SEMA4D: variants seen among roughly 807,000 people sequenced by gnomAD.
SEMA4D encodes semaphorin-4D.
A neutral mutation model predicts 74.8 loss-of-function variants in SEMA4D; 22 were observed. That is an observed-to-expected ratio of 0.29 (90% confidence interval 0.21 to 0.42). The LOEUF is 0.42. Among genes scored for constraint, SEMA4D ranks in the 10% least tolerant of loss-of-function variants. The probability of loss-of-function intolerance (pLI) is 1.00; values close to 1 mark genes in which losing one functional copy is unlikely to be tolerated. For synonymous variants in SEMA4D, 445 were observed against 463.7 expected (o/e 0.96, Z 0.52); for missense variants, 937 against 1,118.4 (o/e 0.84, Z 2.31).
chr9:89,361,714 C>G (rs1409422932), exon 19 of SEMA4D: 1 of 152,314 alleles, frequency 6.6e-6, no homozygotes, highest in Admixed American at 6.5e-5. Flanking sequence ...GGGACAGAGG[C>G]ATAAACTGCA....
chr9:89,381,077 G>T lies in SEMA4D; in HGVS notation c.1641C>A (p.Ser547Arg). The T allele has an allele frequency of 6.2e-7, 1 of 1,614,072 alleles. No individual in the cohort carries two copies. Among genetic ancestry groups the T allele is most frequent in the Non-Finnish European group, 8.5e-7 (1 of 1,180,024 alleles). ...CACCCGGGCACACAGAAGCATCGCCGCTCATCTCCTGAATCAAACCCCTGC... is the reference window on the plus strand; with the variant it reads ...CACCCGGGCACACAGAAGCATCGCCTCTCATCTCCTGAATCAAACCCCTGC... ...SPSRGLIQEM[S>R]GDASVCPDKS... is the part of the protein sequence containing the mutation. Residue 547 changes from serine to arginine, a missense_variant, in exon 15 of 16, where the codon AGC (serine) becomes AGA (arginine). Coordinates refer to ENST00000422704, the MANE Select transcript of SEMA4D (RefSeq NM_001371194.2). The surrounding 1 kb of genome is among the most constrained non-coding windows in gnomAD (Gnocchi z 4.6).
Position 89,405,582 on chromosome 9 carries a change from G to T in SEMA4D, c.-126C>A, listed in dbSNP as rs529610281. 1.5e-4 allele frequency: 221 copies of T among 1,489,864 alleles called. 1 individual carries two copies. Among genetic ancestry groups the T allele is most frequent in the South Asian group, 6.5e-4 (50 of 76,554 alleles). The allele number at this position is 1,489,864 out of a possible 1,614,324, so 92.3% of individuals were successfully genotyped here. On this transcript the variant is annotated 5_prime_UTR_variant, in exon 3 of 16. Transcript: ENST00000422704. ...GGGCCAGCAGCACAGCCTGGAGCTCGTGAACAGCGCGGTCCCTGAGAATCC... is the reference window on the plus strand; with the variant it reads ...GGGCCAGCAGCACAGCCTGGAGCTCTTGAACAGCGCGGTCCCTGAGAATCC...
chr9:89,384,383 T>G (rs763201321), intron 13 of SEMA4D, among the ~76,000 whole-genome samples: 3 of 152,166 alleles, frequency 2.0e-5, no homozygotes, highest in Non-Finnish European at 4.4e-5. Context: ...TTAAGTGAAA[T>G]AAGCCAGTTA....
At chr9:89,440,379 C>CCT (rs1317584904) in intron 2 of SEMA4D, among the ~76,000 whole-genome samples, 4 of 152,194 alleles carry the variant, frequency 2.6e-5, no homozygotes, top group African/African-American at 9.7e-5. Context: ...TCTTGACATG[C>CCT]CTCTGCCAAA....
At chr9:89,414,620 C>T (rs1011692274) in intron 2 of SEMA4D, among the ~76,000 whole-genome samples, 1 of 152,214 alleles carries the variant, frequency 6.6e-6, no homozygotes, top group Non-Finnish European at 1.5e-5. Context: ...ATAAAATGGC[C>T]TTATCCCATC....
At chr9:89,422,402 T>TG (rs1230271972) in intron 2 of SEMA4D, among the ~76,000 whole-genome samples, 1 of 152,114 alleles carries the variant, frequency 6.6e-6, no homozygotes, top group African/African-American at 2.4e-5. Flanking sequence ...ACAGGACGGT[T>TG]GGGGGGCCCT....
intron 2 of SEMA4D, among the ~76,000 whole-genome samples, chr9:89,453,629 C>G (rs1588011831): frequency 6.6e-6 from 1 of 152,210 alleles, no homozygotes; most frequent in African/African-American, 2.4e-5. Context: ...GGTCGCGGCC[C>G]TCGCTGGGTG....
chr9:89,460,287 A>AC (rs1228861085), intron 1 of SEMA4D, among the ~76,000 whole-genome samples: 1 of 143,394 alleles, frequency 7.0e-6, no homozygotes, highest in East Asian at 2.1e-4. Context: ...CCCATATCCC[A>AC]CCTCTGGTTC....
At chr9:89,370,659 C>T (rs111066135) in intron 16 of SEMA4D, among the ~76,000 whole-genome samples, 41,963 of 138,734 alleles carry the variant, frequency 0.3, 6,707 homozygotes, top group African/African-American at 0.46. Flanking sequence ...GTGCGGTATA[C>T]GTCATGCTCA....
chr9:89,496,410 G>C (rs35721473), intron 1 of SEMA4D, among the ~76,000 whole-genome samples: 28,393 of 152,108 alleles, frequency 0.19, 2,856 homozygotes, highest in East Asian at 0.33. Flanking sequence ...CCACCCTCCT[G>C]GGACCCCAGG....
intron 13 of SEMA4D, 105 bp downstream of exon 13, chr9:89,386,262 G>A: frequency 9.7e-7 from 1 of 1,030,702 alleles, no homozygotes; most frequent in Non-Finnish European, 1.4e-6. Flanking sequence ...GACAGACAGA[G>A]GGGCCTGCCC....
At chr9:89,413,487 T>C (rs1226613768) in intron 2 of SEMA4D, among the ~76,000 whole-genome samples, 1 of 152,224 alleles carries the variant, frequency 6.6e-6, no homozygotes, top group Non-Finnish European at 1.5e-5. Context: ...TGCACGCATG[T>C]GCATCTGTAT....
intron 2 of SEMA4D, among the ~76,000 whole-genome samples, chr9:89,414,284 C>T (rs1483138895): frequency 6.6e-6 from 1 of 152,232 alleles, no homozygotes; most frequent in Non-Finnish European, 1.5e-5. Flanking sequence ...GGACCCCTGA[C>T]CTCACTGCAT....
chr9:89,397,242 T>C (rs569279492), intron 5 of SEMA4D, among the ~76,000 whole-genome samples: 45 of 152,314 alleles, frequency 3.0e-4, no homozygotes, highest in Non-Finnish European at 5.7e-4. Context: ...TTACCTCAAA[T>C]CTTACTGGGA....
chr9:89,489,001 AAAG>A lies in SEMA4D; in HGVS notation c.-310+8915_-310+8917del, dbSNP rs376067685. Reference sequence around the variant, plus strand: ...AAAAGATCTGAACAGACACTTCACAAAAGAATATACACAAATAGCTAATAAGCA... The same window carrying A: ...AAAAGATCTGAACAGACACTTCACAAAATATACACAAATAGCTAATAAGCA... On this transcript the variant is annotated intron_variant, in intron 1 of 15. Coordinates refer to ENST00000422704, the MANE Select transcript of SEMA4D (RefSeq NM_001371194.2). 4.6e-3 allele frequency among the ~76,000 whole-genome samples: 695 copies of A among 152,356 alleles called. 6 individuals are homozygous for A. Among genetic ancestry groups the A allele is most frequent in the African/African-American group, 0.016 (658 of 41,576 alleles).
At chr9:89,405,892 T>G (rs1843215035) in intron 2 of SEMA4D, 193 bp from the exon 3 acceptor site, 1 of 1,218,998 alleles carries the variant, frequency 8.2e-7, no homozygotes, top group Admixed American at 4.2e-5. Flanking sequence ...AGCCAGGGTC[T>G]TCAGGAGTCA....
At chr9:89,458,124 C>T (rs555318868) in intron 1 of SEMA4D, among the ~76,000 whole-genome samples, 5 of 152,326 alleles carry the variant, frequency 3.3e-5, no homozygotes, top group African/African-American at 1.2e-4. Context: ...AAAAGGCAGG[C>T]TGTGGAGGGG....
chr9:89,441,700 G>A (rs998882092), intron 2 of SEMA4D, among the ~76,000 whole-genome samples: 1 of 152,216 alleles, frequency 6.6e-6, no homozygotes, highest in Non-Finnish European at 1.5e-5. Flanking sequence ...GTCCCTGGGT[G>A]TCCTCAGTAC....
intron 2 of SEMA4D, among the ~76,000 whole-genome samples, chr9:89,443,621 G>C (rs1230354189): frequency 6.6e-6 from 1 of 152,200 alleles, no homozygotes; most frequent in African/African-American, 2.4e-5. Flanking sequence ...GCAGCGCTCA[G>C]CTGCACCCCA....
Sources: allele counts gnomAD v4.1 joint callset (sites outside exome capture counted in the v4.1 genomes callset), GRCh38; gene constraint gnomAD v4.1.1; non-coding constraint Gnocchi (gnomAD v3.1); transcripts MANE v1.5; gene names NCBI Gene and HGNC (gene_info 2026-07-23, HGNC 2026-07-21).